The following PKHD1L1 variants were observed in gnomAD, a reference collection of about 807,000 sequenced individuals.
The protein encoded by PKHD1L1 is PKHD1 like 1.
A neutral mutation model predicts 462.9 loss-of-function variants in PKHD1L1; 434 were observed. That is an observed-to-expected ratio of 0.94 (90% CI 0.87 to 1.02). The LOEUF (loss-of-function observed/expected upper bound fraction) is 1.02, where lower values mean the gene tolerates loss of function less well. Among genes scored for constraint, PKHD1L1 ranks in the 50% least tolerant of loss-of-function variants. The probability of loss-of-function intolerance (pLI) is 0.00; values close to 1 mark genes in which losing one functional copy is unlikely to be tolerated. For synonymous variants in PKHD1L1, 1,781 were observed against 1,750.0 expected, an observed-to-expected ratio of 1.02 and a Z score of -0.44; for missense variants, 5,202 against 5,096.1, an observed-to-expected ratio of 1.02 and a Z score of -0.63.
At chr8:109,516,484 C>T (rs1173684047) in intron 72 of PKHD1L1, among the ~76,000 whole-genome samples, 1 of 152,010 alleles carries the variant, frequency 6.6e-6, no homozygotes, top group Non-Finnish European at 1.5e-5. Context: ...CATCTAAACC[C>T]TATTTCTTCC....
At chr8:109,427,877 C>T (rs901897981) in intron 25 of PKHD1L1, among the ~76,000 whole-genome samples, 5 of 151,768 alleles carry the variant, frequency 3.3e-5, no homozygotes, top group African/African-American at 4.8e-5. Context: ...ATTAGCTGGA[C>T]GTGGTAGTGC....
intron 21 of PKHD1L1, among the ~76,000 whole-genome samples, chr8:109,416,998 G>A (rs1814208282): frequency 1.3e-5 from 2 of 152,038 alleles, no homozygotes; most frequent in Admixed American, 1.3e-4. Context: ...TTGTTCTTCT[G>A]TATCAATCAA....
intron 43 of PKHD1L1, 119 bp downstream of exon 43, chr8:109,452,993 G>A: frequency 1.2e-6 from 1 of 825,604 alleles, no homozygotes; most frequent in Non-Finnish European, 1.7e-6. Flanking sequence ...AATATACAGT[G>A]TAGTCCTGGG....
At chr8:109,508,330 C>T in intron 70 of PKHD1L1, 66 bp downstream of exon 70, 8 of 1,454,270 alleles carry the variant, frequency 5.5e-6, no homozygotes, top group Non-Finnish European at 7.4e-6. Flanking sequence ...TGCATGAAGC[C>T]ATCTCATAAA....
In PKHD1L1 at chr8:109,476,532, C is replaced by T. The variant is rs1405983879; in HGVS notation, c.8782C>T (p.His2928Tyr). 1.3e-6 allele frequency: 2 copies of T among 1,506,976 alleles called. No individual in the cohort carries two copies. Among genetic ancestry groups the T allele is most frequent in the Admixed American group, 2.0e-5 (1 of 51,220 alleles). The allele number at this position is 1,506,976 out of a possible 1,614,324, so 93.4% of individuals were successfully genotyped here. The change falls in exon 52 of 78, where the codon CAT (histidine) becomes TAT (tyrosine). Residue 2928 changes from histidine (H) to tyrosine (Y), a missense_variant. Coordinates refer to ENST00000378402, the MANE Select transcript of PKHD1L1 (RefSeq NM_177531.6). ...FKEEDYVIISHNFTQNPDMFN... is the reference protein window; with the variant it reads ...FKEEDYVIISYNFTQNPDMFN... ...GGAAGAAGACTATGTAATTATATCA[C>T]ATAACTTCACTCAAAATCCTGACAT...
chr8:109,479,724 C>T, intron 54 of PKHD1L1, 85 bp downstream of exon 54: 1 of 1,005,946 alleles, frequency 9.9e-7, no homozygotes, highest in Non-Finnish European at 1.5e-6. Flanking sequence ...GTTTTATCAG[C>T]ACACCTTTCC....
chr8:109,368,306 A>G (rs942029220), intron 2 of PKHD1L1, among the ~76,000 whole-genome samples: 5 of 152,234 alleles, frequency 3.3e-5, no homozygotes, highest in African/African-American at 9.6e-5. Context: ...CAGAAAGCAT[A>G]TGGACTTTGG....
rs1335581025 is a variant in PKHD1L1, at chr8:109,445,037, A to T, written c.5168A>T (p.Asp1723Val). The T allele has an allele frequency of 1.9e-6, 3 of 1,613,688 alleles. No homozygotes were observed. The Admixed American group carries it at 5.0e-5, about 27-fold the overall frequency. Residue 1723 changes from aspartate (D) to valine (V), a missense_variant, in exon 38 of 78, where the codon GAT becomes GTT. By Grantham distance (152) the Asp-to-Val change is radical. Coordinates refer to ENST00000378402, the MANE Select transcript of PKHD1L1 (RefSeq NM_177531.6). ...TCCCCTGCTGCCCAACAGCTTGTGG[A>T]TGTAGATCTTCTAATACATGGAGTG... ...ETSPAAQQLVDVDLLIHGVPA... is the reference protein window; with the variant it reads ...ETSPAAQQLVVVDLLIHGVPA...
At position 109,532,224 on chromosome 8, in the gene PKHD1L1, A is replaced by T. The variant is rs1821056908; in HGVS notation, c.*2134A>T. Among the ~76,000 whole-genome samples the T allele has an allele frequency of 9.7e-6, 1 of 103,158 alleles. No homozygotes were observed. Among genetic ancestry groups the T allele is most frequent in the African/African-American group, 3.2e-5 (1 of 30,890 alleles). 67.7% of individuals were successfully genotyped at this position (103,158 alleles called of 152,430 possible). A position where few individuals can be genotyped will look rare whatever the true frequency, so the allele number is the denominator to read the frequency against. On this transcript the variant is annotated 3_prime_UTR_variant, in exon 78 of 78. Coordinates refer to ENST00000378402, the MANE Select transcript of PKHD1L1 (RefSeq NM_177531.6). ...ATATGGCAGTAAAAGGAATTTCTAA[A>T]AATTGCTTCTTAGCCACACAGACTT...
chr8:109,530,105 GA>G lies in PKHD1L1; in HGVS notation c.*17del, dbSNP rs1487036806. On this transcript the variant is annotated 3_prime_UTR_variant, in exon 78 of 78. Coordinates refer to ENST00000378402, the MANE Select transcript of PKHD1L1 (RefSeq NM_177531.6). The stretch of plus-strand genomic sequence containing the variant: ...GAAGCTACTAAAGTGCTGTTCCGAA[GA>G]ATAGGCTGAAACAAAAATATAAGAA... 3.0e-6 allele frequency: 4 copies of G among 1,340,048 alleles called. No homozygotes were observed. Among genetic ancestry groups the G allele is most frequent in the Non-Finnish European group, 3.9e-6 (4 of 1,028,580 alleles). The allele number at this position is 1,340,048 out of a possible 1,614,324, so 83.0% of individuals were successfully genotyped here. A position where few individuals can be genotyped will look rare whatever the true frequency, so the allele number is the denominator to read the frequency against.
At position 109,439,108 on chromosome 8, in the gene PKHD1L1, T is replaced by C; in HGVS notation, c.3956+16T>C. 2 of 1,604,408 alleles carry C rather than the reference T, an allele frequency of 1.2e-6. No individual in the cohort carries two copies. Among genetic ancestry groups the C allele is most frequent in the Non-Finnish European group, 1.7e-6 (2 of 1,173,352 alleles). On this transcript the variant is annotated intron_variant, in intron 32 of 77. Coordinates refer to ENST00000378402, the MANE Select transcript of PKHD1L1 (RefSeq NM_177531.6). ...CATCAACAAGGTATGATAATGAACA[T>C]AAACTTGATGGAGTTGTAGAACACA... is the stretch of plus-strand genomic sequence containing the variant.
intron 39 of PKHD1L1, among the ~76,000 whole-genome samples, chr8:109,448,680 T>TG (rs998706759): frequency 6.6e-6 from 1 of 151,360 alleles, no homozygotes; most frequent in Non-Finnish European, 1.5e-5. Flanking sequence ...CCTGGCTAAT[T>TG]TTTTTTTGTA....
At chr8:109,407,893 C>A (rs1036101654) in intron 17 of PKHD1L1, among the ~76,000 whole-genome samples, 156 bp from the exon 18 acceptor site, 10 of 152,036 alleles carry the variant, frequency 6.6e-5, no homozygotes, top group African/African-American at 1.7e-4. Context: ...GGATCTACAT[C>A]GCCCCCATTC....
intron 2 of PKHD1L1, among the ~76,000 whole-genome samples, chr8:109,373,646 T>A (rs201276752): frequency 1.3e-5 from 2 of 152,178 alleles, no homozygotes; most frequent in Non-Finnish European, 2.9e-5. Flanking sequence ...GCATTTAGTG[T>A]TACAAATTTC....
intron 40 of PKHD1L1, 65 bp from the exon 41 acceptor site, chr8:109,450,910 G>C: frequency 6.9e-7 from 1 of 1,446,440 alleles, no homozygotes; most frequent in Non-Finnish European, 9.4e-7. Flanking sequence ...AAAATGTTTG[G>C]AGGTTTTGGA....
intron 2 of PKHD1L1, among the ~76,000 whole-genome samples, chr8:109,370,958 G>A (rs1266609357): frequency 1.6e-4 from 25 of 152,082 alleles, no homozygotes; most frequent in Admixed American, 6.6e-4. Flanking sequence ...GAATAGTGCC[G>A]CAATAAACAT....
At chr8:109,507,917 C>A in intron 69 of PKHD1L1, 22 bp downstream of exon 69, 3 of 1,608,470 alleles carry the variant, frequency 1.9e-6, no homozygotes, top group South Asian at 1.1e-5. Flanking sequence ...CTTGCTTAAT[C>A]TGTCATTAGG....
At chr8:109,484,981 T>C (rs1259037455) in intron 57 of PKHD1L1, 63 bp from the exon 58 acceptor site, 3 of 1,305,656 alleles carry the variant, frequency 2.3e-6, no homozygotes, top group South Asian at 1.5e-5. Context: ...TTAATAATGA[T>C]ATCAAGAAAT....
chr8:109,384,209 T>G, intron 5 of PKHD1L1, 82 bp downstream of exon 5: 1 of 1,074,792 alleles, frequency 9.3e-7, no homozygotes, highest in Non-Finnish European at 1.4e-6. Context: ...ATTAGTATAA[T>G]TCCTGCAATT....
Sources: gnomAD v4.1 joint callset for allele counts (sites outside exome capture counted in the v4.1 genomes callset) on GRCh38, gnomAD v4.1.1 for gene constraint, MANE v1.5 for transcripts, NCBI Gene and HGNC (gene_info 2026-07-23, HGNC 2026-07-21) for gene names.